GLI3: variants seen among roughly 807,000 people sequenced by gnomAD.
GLI3 encodes transcription activator GLI3.
A neutral mutation model predicts 100.8 loss-of-function variants in GLI3; 20 were observed. That is an observed-to-expected ratio of 0.20 (90% CI 0.14 to 0.29). GLI3 has a LOEUF of 0.29. GLI3 is among the 10% of genes least tolerant of loss of function. GLI3 has a pLI of 1.00. For missense variants in GLI3, 2,040 were observed against 2,128.5 expected, an observed-to-expected ratio of 0.96 and a Z score of 0.82; for synonymous variants, 938 against 860.5, an observed-to-expected ratio of 1.09 and a Z score of -1.58.
chr7:41,986,769 T>C (rs952599873), intron 10 of GLI3, among the ~76,000 whole-genome samples: 2 of 151,928 alleles, frequency 1.3e-5, no homozygotes, highest in South Asian at 2.1e-4. Context: ...TGAGAATATA[T>C]CAAAACATAC....
At chr7:42,172,479 A>G in intron 2 of GLI3, 1 of 669,128 alleles carries the variant, frequency 1.5e-6, no homozygotes, top group South Asian at 1.6e-5. Context: ...AAAAGTGTAA[A>G]TGAATTAAAT....
intron 3 of GLI3, among the ~76,000 whole-genome samples, chr7:42,088,375 C>T (rs958379079): frequency 6.6e-6 from 1 of 151,938 alleles, no homozygotes; most frequent in Non-Finnish European, 1.5e-5. Flanking sequence ...TCTGAAGTTC[C>T]CACTAGTGGC....
chr7:42,025,123 G>A, intron 9 of GLI3, 141 bp downstream of exon 9: 1 of 648,420 alleles, frequency 1.5e-6, no homozygotes, highest in Non-Finnish European at 2.8e-6. Flanking sequence ...ACAACATGTA[G>A]AGTACGGCCA....
chr7:42,040,353 T>A (rs1482429563), intron 6 of GLI3, 114 bp from the exon 7 acceptor site: 1 of 777,868 alleles, frequency 1.3e-6, no homozygotes, highest in East Asian at 2.6e-5. Context: ...CAACTTGCGG[T>A]GACAAGCACC....
At chr7:42,100,440 AAG>A (rs1488190550) in intron 3 of GLI3, among the ~76,000 whole-genome samples, 1 of 152,116 alleles carries the variant, frequency 6.6e-6, no homozygotes, top group Non-Finnish European at 1.5e-5. Context: ...GTGTCTTTAT[AAG>A]AGGGGATCTG....
intron 10 of GLI3, among the ~76,000 whole-genome samples, chr7:41,981,976 G>A (rs1297091758): frequency 6.6e-6 from 1 of 152,142 alleles, no homozygotes; most frequent in Non-Finnish European, 1.5e-5. Context: ...GAACACCCTT[G>A]CTGTTGTCTC....
intron 3 of GLI3, among the ~76,000 whole-genome samples, chr7:42,146,625 C>G (rs1270075921): frequency 6.6e-6 from 1 of 152,104 alleles, no homozygotes. Context: ...CACATAAGAA[C>G]AAAAACAATG....
chr7:42,046,772 A>T (rs1160790519), intron 5 of GLI3, among the ~76,000 whole-genome samples: 1 of 152,180 alleles, frequency 6.6e-6, no homozygotes, highest in East Asian at 1.9e-4. Context: ...CCAACTCCCA[A>T]GGACTTGAAG....
intron 3 of GLI3, among the ~76,000 whole-genome samples, chr7:42,099,779 C>T (rs1296908656): frequency 6.6e-6 from 1 of 152,248 alleles, no homozygotes; most frequent in African/African-American, 2.4e-5. Flanking sequence ...GATCCTCCCA[C>T]ATTGGCCTCC....
intron 3 of GLI3, among the ~76,000 whole-genome samples, chr7:42,146,888 T>G (rs1392439068): frequency 1.3e-5 from 2 of 152,202 alleles, no homozygotes; most frequent in Non-Finnish European, 2.9e-5. Flanking sequence ...AAGTAAACCC[T>G]GAATGAAGGA....
At chr7:42,041,069 T>C (rs1383200803) in intron 6 of GLI3, among the ~76,000 whole-genome samples, 11 of 152,212 alleles carry the variant, frequency 7.2e-5, no homozygotes, top group Non-Finnish European at 1.6e-4. Context: ...GTGGGGATGT[T>C]GCTTGTTTAC....
intron 11 of GLI3, chr7:41,977,940 A>AT: frequency 1.8e-6 from 1 of 567,216 alleles, no homozygotes. Flanking sequence ...AAAGTCCTGA[A>AT]GTTTTTTTTT....
chr7:42,137,323 C>T (rs949261163), intron 3 of GLI3, among the ~76,000 whole-genome samples: 2 of 152,158 alleles, frequency 1.3e-5, no homozygotes, highest in Non-Finnish European at 2.9e-5. Flanking sequence ...AGTGACAGCC[C>T]TAAAATAAAA....
chr7:42,086,750 C>G (rs1157843350), intron 3 of GLI3, among the ~76,000 whole-genome samples: 1 of 152,166 alleles, frequency 6.6e-6, no homozygotes, highest in African/African-American at 2.4e-5. Context: ...CCTCCCTTCT[C>G]CATAATTCAG....
At chr7:42,081,384 A>G (rs1784993808) in intron 3 of GLI3, among the ~76,000 whole-genome samples, 1 of 152,168 alleles carries the variant, frequency 6.6e-6, no homozygotes, top group South Asian at 2.1e-4. Context: ...AGATTTGAAG[A>G]GTGTGCACTC....
chr7:42,264,259 G>T (rs941868322), upstream of GLI3, among the ~76,000 whole-genome samples: 2 of 152,192 alleles, frequency 1.3e-5, no homozygotes, highest in African/African-American at 4.8e-5. Flanking sequence ...CAAACCCTGA[G>T]AACACTGACA....
chr7:42,209,987 A>AAAG (rs1788232570), intron 2 of GLI3, among the ~76,000 whole-genome samples: 1 of 23,994 alleles, frequency 4.2e-5, no homozygotes, highest in Admixed American at 6.4e-4. Context: ...TAAGAATCTG[A>AAAG]AAAAAAAAAA....
At chr7:41,987,101 G>GACACACACACACACACACAC (rs34005460) in intron 10 of GLI3, among the ~76,000 whole-genome samples, 65 of 140,708 alleles carry the variant, frequency 4.6e-4, no homozygotes, top group Non-Finnish European at 4.8e-4. Context: ...CACAGACACA[G>GACACACACACACACACACAC]ACACACACAC....
Position 41,966,940 on chromosome 7 carries a change from C to G in GLI3, c.2432-299G>C, listed in dbSNP as rs1318827358. On this transcript the variant is annotated intron_variant, in intron 14 of 14. Transcript: ENST00000395925. The surrounding 1 kb of genome is among the most constrained non-coding windows in gnomAD (Gnocchi z 5.8). ...ATGCCTGGCTTAAACAAAACAATAA[C>G]AACTCCCTCGATTCACTGAAGCCCC... 6.6e-6 allele frequency among the ~76,000 whole-genome samples: 1 copy of G among 152,170 alleles called. No homozygotes were observed. Among genetic ancestry groups the G allele is most frequent in the Non-Finnish European group, 1.5e-5 (1 of 68,030 alleles).
Sources: gnomAD v4.1 joint callset for allele counts (sites outside exome capture counted in the v4.1 genomes callset) on GRCh38, gnomAD v4.1.1 for gene constraint, Gnocchi (gnomAD v3.1) non-coding constraint, MANE v1.5 for transcripts, NCBI Gene and HGNC (gene_info 2026-07-23, HGNC 2026-07-21) for gene names.